STK40: variants seen among roughly 807,000 people sequenced by gnomAD.
STK40 encodes the protein serine/threonine kinase 40.
STK40 carries 13 observed loss-of-function variants against 47.9 expected under a neutral mutation model. That is an observed-to-expected ratio of 0.27 (90% CI 0.18 to 0.43). The LOEUF is 0.43. STK40 is among the 20% of genes least tolerant of loss of function. The pLI is 1.00. For missense variants in STK40, 460 were observed against 595.1 expected, an observed-to-expected ratio of 0.77 and a Z score of 2.36; for synonymous variants, 225 against 243.2, an observed-to-expected ratio of 0.93 and a Z score of 0.69.
chr1:36,345,991 A>ATATATATATATATATATTTTTT, intron 7 of STK40, among the ~76,000 whole-genome samples: 1 of 26,466 alleles, frequency 3.8e-5, no homozygotes, highest in African/African-American at 1.4e-4. Context: ...ATATATATAT[A>ATATATATATATATATATTTTTT]TTTTTTTTTT....
chr1:36,377,900 C>T (rs1570467890), intron 1 of STK40, among the ~76,000 whole-genome samples: 1 of 152,218 alleles, frequency 6.6e-6, no homozygotes, highest in African/African-American at 2.4e-5. Flanking sequence ...CTGCCATGCA[C>T]TAGGCTGAAC....
Position 36,354,428 on chromosome 1 carries a change from C to T in STK40, c.571-12G>A, listed in dbSNP as rs757905917. ...TGCACGATATTTTTCTGTAAAACAACAGGCGTATGGTTTACATTGTCAATG... is the reference window on the plus strand; with the variant it reads ...TGCACGATATTTTTCTGTAAAACAATAGGCGTATGGTTTACATTGTCAATG... On this transcript the variant is annotated splice_polypyrimidine_tract_variant and intron_variant, in intron 5 of 10. Coordinates refer to ENST00000373132, the MANE Select transcript of STK40 (RefSeq NM_001282547.2). 11 of 1,613,930 alleles carry T rather than the reference C, an allele frequency of 6.8e-6. No individual in the cohort carries two copies. Among genetic ancestry groups the T allele is most frequent in the Non-Finnish European group, 9.3e-6 (11 of 1,179,882 alleles).
chr1:36,371,685 CAAAAAAA>C (rs57138983), intron 1 of STK40, among the ~76,000 whole-genome samples: 2 of 27,972 alleles, frequency 7.2e-5, no homozygotes, highest in African/African-American at 1.1e-4. Context: ...ACCCTGTCTC[CAAAAAAA>C]AAAAAAAAAA....
At chr1:36,349,754 C>T (rs1341690336) in intron 6 of STK40, among the ~76,000 whole-genome samples, 1 of 151,482 alleles carries the variant, frequency 6.6e-6, no homozygotes, top group Admixed American at 6.6e-5. Context: ...TTACACCTTA[C>T]ACCACACTGG....
In STK40 at chr1:36,343,873, T is replaced by C; in HGVS notation, c.991A>G (p.Ile331Val). ...AADVLEALSA[I>V]IASWQSLSSL... ...CTGTCCACTTACCATGATGCAATGA[T>C]GGCACTGAGGGCCTCCAGGACGTCG... The change falls in exon 9 of 11, where the codon ATC (isoleucine) becomes GTC (valine). Residue 331 changes from isoleucine to valine, a missense_variant. By Grantham distance (29) the Ile-to-Val change is conservative. Coordinates refer to ENST00000373132, the MANE Select transcript of STK40 (RefSeq NM_001282547.2). 1 of 1,596,972 alleles carries C rather than the reference T, an allele frequency of 6.3e-7. No individual in the cohort carries two copies. Among genetic ancestry groups the C allele is most frequent in the South Asian group, 1.1e-5 (1 of 90,138 alleles).
chr1:36,351,518 C>T (rs900418123), intron 6 of STK40, among the ~76,000 whole-genome samples: 5 of 152,188 alleles, frequency 3.3e-5, no homozygotes, highest in African/African-American at 1.2e-4. Context: ...CCCTGCCACT[C>T]TGGAGCGCCC....
intron 1 of STK40, among the ~76,000 whole-genome samples, chr1:36,384,325 C>T (rs1030077620): frequency 6.6e-6 from 1 of 152,246 alleles, no homozygotes; most frequent in East Asian, 1.9e-4. Flanking sequence ...CCACGGCGCC[C>T]AGCCACTACT....
At chr1:36,377,061 G>A (rs111589920) in intron 1 of STK40, among the ~76,000 whole-genome samples, 25 of 151,818 alleles carry the variant, frequency 1.6e-4, no homozygotes, top group African/African-American at 4.3e-4. Flanking sequence ...ATGAGCCACC[G>A]TGCCCAGCCT....
At chr1:36,358,665 TGGAGGAG>T in intron 3 of STK40, 65 bp downstream of exon 3, 1 of 1,507,866 alleles carries the variant, frequency 6.6e-7, no homozygotes, top group Non-Finnish European at 9.2e-7. Context: ...GGTGTGAAGG[TGGAGGAG>T]GGAGGAGTGG....
rs369683739 is a variant in STK40 at position 36,361,186 on chromosome 1, A to C, written c.112+35T>G. On this transcript the variant is annotated intron_variant, in intron 2 of 10. Coordinates refer to ENST00000373132, the MANE Select transcript of STK40 (RefSeq NM_001282547.2). ...CCAATGTGCCCTGCCCCTGCCTCCC[A>C]GCCCACCCATTTTTCCCAAAGGTCA... 3 of 1,612,452 alleles carry C rather than the reference A, an allele frequency of 1.9e-6. No individual in the cohort carries two copies. In the African/African-American group the frequency reaches 4.0e-5, roughly 22 times the overall value.
At chr1:36,362,994 A>G (rs940810755) in intron 1 of STK40, among the ~76,000 whole-genome samples, 9 of 152,174 alleles carry the variant, frequency 5.9e-5, no homozygotes, top group African/African-American at 2.2e-4. Flanking sequence ...CGTCTCTACT[A>G]AAAATACAGA....
intron 7 of STK40, among the ~76,000 whole-genome samples, chr1:36,346,951 G>A (rs953565804): frequency 1.3e-5 from 2 of 152,204 alleles, no homozygotes. Context: ...GAGGGTGCCA[G>A]ACTGTGCTGG....
intron 10 of STK40, 149 bp from the exon 11 acceptor site, chr1:36,342,122 G>C (rs1646654867): frequency 2.6e-6 from 2 of 756,146 alleles, no homozygotes; most frequent in Non-Finnish European, 4.3e-6. Context: ...GCCGGGGGTG[G>C]GAGTGGCGCT....
At chr1:36,375,789 G>A (rs1416638873) in intron 1 of STK40, among the ~76,000 whole-genome samples, 2 of 152,182 alleles carry the variant, frequency 1.3e-5, no homozygotes, top group African/African-American at 4.8e-5. Context: ...GGGAGGCTGA[G>A]GCGGGTGGAT....
intron 1 of STK40, among the ~76,000 whole-genome samples, chr1:36,371,462 G>A (rs1557521538): frequency 6.6e-6 from 1 of 151,706 alleles, no homozygotes; most frequent in Non-Finnish European, 1.5e-5. Flanking sequence ...GCTGAGGCAG[G>A]AGAATGGCGT....
intron 1 of STK40, among the ~76,000 whole-genome samples, chr1:36,385,443 C>T (rs971725890): frequency 1.3e-5 from 2 of 152,340 alleles, no homozygotes; most frequent in African/African-American, 4.8e-5. Flanking sequence ...CACTCACTGG[C>T]TGGGTGACTC....
At chr1:36,357,670 T>G (rs1466146622) in intron 4 of STK40, among the ~76,000 whole-genome samples, 3 of 152,200 alleles carry the variant, frequency 2.0e-5, no homozygotes, top group East Asian at 1.9e-4. Context: ...AGGCTGGAGT[T>G]CAGTGGCACA....
At chr1:36,363,367 AAAAAC>A (rs1484103600) in intron 1 of STK40, among the ~76,000 whole-genome samples, 3 of 152,170 alleles carry the variant, frequency 2.0e-5, no homozygotes, top group African/African-American at 7.2e-5. Flanking sequence ...TAAAGCTGTA[AAAAAC>A]AAAACAAAAA....
At chr1:36,349,827 G>C (rs957643663) in intron 6 of STK40, among the ~76,000 whole-genome samples, 15 of 152,164 alleles carry the variant, frequency 9.9e-5, no homozygotes, top group Admixed American at 6.5e-4. Flanking sequence ...GCCCACTGGG[G>C]CAGGCAGTGA....
Sources: gnomAD v4.1 joint callset for allele counts (sites outside exome capture counted in the v4.1 genomes callset) on GRCh38, gnomAD v4.1.1 for gene constraint, MANE v1.5 for transcripts, NCBI Gene and HGNC (gene_info 2026-07-23, HGNC 2026-07-21) for gene names.